CDKAL1: variants seen among roughly 807,000 people sequenced by gnomAD.
The protein encoded by CDKAL1 is threonylcarbamoyladenosine tRNA methylthiotransferase.
In CDKAL1, 32 loss-of-function variants were observed where a neutral mutation model predicts 68.2. That is an observed-to-expected ratio of 0.47 (90% CI 0.35 to 0.63). The LOEUF is 0.63. CDKAL1 is among the 30% of genes least tolerant of loss of function. The pLI is 0.00. For synonymous variants in CDKAL1, 234 were observed against 244.3 expected, an observed-to-expected ratio of 0.96 and a Z score of 0.39; for missense variants, 606 against 696.7, an observed-to-expected ratio of 0.87 and a Z score of 1.47.
At chr6:20,587,758 C>A (rs9368208) in intron 4 of CDKAL1, among the ~76,000 whole-genome samples, 121,102 of 150,926 alleles carry the variant, frequency 0.8, 48,810 homozygotes, top group Middle Eastern at 0.91. Context: ...ACAAACCGCC[C>A]CCCTCAAAAA....
chr6:21,152,701 T>A (rs1331930707), intron 13 of CDKAL1, among the ~76,000 whole-genome samples: 1 of 152,258 alleles, frequency 6.6e-6, no homozygotes, highest in Non-Finnish European at 1.5e-5. Flanking sequence ...AACTGTAATA[T>A]CCTCAATGCA....
intron 4 of CDKAL1, among the ~76,000 whole-genome samples, chr6:20,623,323 A>G (rs1311128350): frequency 1.3e-5 from 2 of 152,098 alleles, no homozygotes; most frequent in Non-Finnish European, 2.9e-5. Flanking sequence ...TTTTTAAGCA[A>G]AGAAAGTAAA....
At chr6:21,016,272 A>G (rs888436034) in intron 11 of CDKAL1, among the ~76,000 whole-genome samples, 2 of 152,028 alleles carry the variant, frequency 1.3e-5, no homozygotes, top group Non-Finnish European at 2.9e-5. Context: ...GAGAGCTTGA[A>G]GTTAGGTAGA....
chr6:20,698,236 C>G (rs1457498119), intron 5 of CDKAL1, among the ~76,000 whole-genome samples: 2 of 152,040 alleles, frequency 1.3e-5, no homozygotes. Flanking sequence ...TTTTAGACAA[C>G]GTTTTGATTT....
intron 4 of CDKAL1, among the ~76,000 whole-genome samples, chr6:20,580,415 G>T (rs546010841): frequency 6.6e-6 from 1 of 152,030 alleles, no homozygotes; most frequent in African/African-American, 2.4e-5. Flanking sequence ...AGGTCCTCCC[G>T]TGTCTGCTTG....
chr6:21,150,127 G>C (rs1301652001), intron 13 of CDKAL1, among the ~76,000 whole-genome samples: 1 of 152,140 alleles, frequency 6.6e-6, no homozygotes, highest in Non-Finnish European at 1.5e-5. Context: ...CAAAGTGCTG[G>C]GATTACAGGC....
chr6:20,607,623 T>TTTTG (rs1250691681), intron 4 of CDKAL1, among the ~76,000 whole-genome samples: 2 of 152,156 alleles, frequency 1.3e-5, no homozygotes, highest in Non-Finnish European at 2.9e-5. Context: ...ATTTATTTAT[T>TTTTG]TTTGTTTGTT....
chr6:20,845,191 A>C (rs1244666638), intron 8 of CDKAL1, among the ~76,000 whole-genome samples: 2 of 152,200 alleles, frequency 1.3e-5, no homozygotes, highest in African/African-American at 2.4e-5. Context: ...TTTGTGTACT[A>C]TGGTCTTTTT....
Position 20,875,679 on chromosome 6 carries a change from G to A in CDKAL1, c.742+29501G>A, listed in dbSNP as rs190598214. On this transcript the variant is annotated intron_variant, in intron 9 of 15. Transcript: ENST00000274695. ...CTCTGTCTCTATTACCTTCACTAAT[G>A]AAAAAAAATAGGGTCTGTAAAGCTA... Among the ~76,000 whole-genome samples the A allele has an allele frequency of 6.7e-3, 1,016 of 151,448 alleles. 6 individuals are homozygous for A. Among genetic ancestry groups the A allele is most frequent in the Non-Finnish European group, 0.01 (700 of 67,814 alleles).
At chr6:20,560,362 A>G (rs929711204) in intron 4 of CDKAL1, among the ~76,000 whole-genome samples, 2 of 152,162 alleles carry the variant, frequency 1.3e-5, no homozygotes, top group Non-Finnish European at 2.9e-5. Context: ...CCCGTCTGCA[A>G]TATGTGTGCT....
intron 4 of CDKAL1, among the ~76,000 whole-genome samples, chr6:20,568,563 C>G (rs907033452): frequency 2.0e-5 from 3 of 151,760 alleles, no homozygotes; most frequent in African/African-American, 7.3e-5. Flanking sequence ...AAAACCCCGT[C>G]TCTACTAACA....
At chr6:20,801,791 C>A (rs1776375504) in intron 8 of CDKAL1, among the ~76,000 whole-genome samples, 1 of 152,094 alleles carries the variant, frequency 6.6e-6, no homozygotes, top group African/African-American at 2.4e-5. Flanking sequence ...GGTAAATAGT[C>A]TGCATTTTCT....
At chr6:20,580,107 G>A (rs931933780) in intron 4 of CDKAL1, among the ~76,000 whole-genome samples, 4 of 152,150 alleles carry the variant, frequency 2.6e-5, no homozygotes, top group East Asian at 1.9e-4. Flanking sequence ...GTGAATGTAC[G>A]TATGTTTGAA....
Position 20,587,606 on chromosome 6 carries a change from A to G in CDKAL1, c.286+38901A>G, listed in dbSNP as rs1037099322. Among the ~76,000 whole-genome samples the G allele has an allele frequency of 2.6e-5, 4 of 151,998 alleles. No homozygotes were observed. The South Asian group carries it at 6.3e-4, about 24-fold the overall frequency. On this transcript the variant is annotated intron_variant, in intron 4 of 15. Transcript: ENST00000274695. ...AAATTAGCTGGGTGTGGTGGTGCCC[A>G]CCTGTAGTCCCAGCTACTCTGGAGG...
chr6:21,045,871 C>T (rs1036270899), intron 11 of CDKAL1, among the ~76,000 whole-genome samples: 10 of 152,174 alleles, frequency 6.6e-5, no homozygotes, highest in African/African-American at 2.4e-4. Flanking sequence ...TATTCAATGA[C>T]ACCTGATAGT....
chr6:21,103,970 G>A (rs538576684), intron 12 of CDKAL1, among the ~76,000 whole-genome samples: 1 of 152,330 alleles, frequency 6.6e-6, no homozygotes, highest in South Asian at 2.1e-4. Context: ...AGGCTCGACA[G>A]GTTTTGTAGA....
At chr6:20,708,259 A>G (rs1562042003) in intron 5 of CDKAL1, among the ~76,000 whole-genome samples, 1 of 152,242 alleles carries the variant, frequency 6.6e-6, no homozygotes, top group Non-Finnish European at 1.5e-5. Context: ...AATAGTACGG[A>G]AAGAAATTTG....
intron 5 of CDKAL1, 133 bp from the exon 6 acceptor site, chr6:20,739,386 C>T: frequency 1.8e-6 from 1 of 546,168 alleles, no homozygotes; most frequent in African/African-American, 1.9e-5. Context: ...GTTCTTTAAC[C>T]AGTTGTAAGA....
At position 21,038,499 on chromosome 6, in the gene CDKAL1, C is replaced by G. The variant is rs561470986; in HGVS notation, c.1056-26549C>G. 5.3e-5 allele frequency among the ~76,000 whole-genome samples: 8 copies of G among 152,276 alleles called. No individual in the cohort carries two copies. In the East Asian group the frequency reaches 1.5e-3, roughly 29 times the overall value. On this transcript the variant is annotated intron_variant, in intron 11 of 15. Transcript: ENST00000274695. ...TTTAACAGAAAGCAAAAATTTTTTA[C>G]AAAGGTATTCAGAGATCTCTTTTTT...
Sources: gnomAD v4.1 joint callset for allele counts (sites outside exome capture counted in the v4.1 genomes callset) on GRCh38, gnomAD v4.1.1 for gene constraint, MANE v1.5 for transcripts, NCBI Gene and HGNC (gene_info 2026-07-23, HGNC 2026-07-21) for gene names.